The following SRSF11 variants were observed in gnomAD, a reference collection of about 807,000 sequenced individuals.
SRSF11 encodes the protein serine/arginine-rich splicing factor 11.
In SRSF11, 9 loss-of-function variants were observed where a neutral mutation model predicts 56.0. The ratio of observed to expected loss-of-function variants is 0.16; its 90% CI spans 0.10 to 0.28. The LOEUF (loss-of-function observed/expected upper bound fraction) is 0.28. SRSF11 is among the 10% of genes least tolerant of loss of function. SRSF11 has a pLI of 1.00. For missense variants in SRSF11, 421 were observed against 600.7 expected (o/e 0.70, Z 3.13); for synonymous variants, 222 against 215.3 (o/e 1.03, Z -0.27).
At chr1:70,211,997 G>T (rs1361696371) in intron 1 of SRSF11, among the ~76,000 whole-genome samples, 1 of 152,026 alleles carries the variant, frequency 6.6e-6, no homozygotes, top group African/African-American at 2.4e-5. Context: ...ATATCTCCAA[G>T]TGCTTTAGAC....
At chr1:70,218,295 T>C (rs1397021552), upstream of SRSF11, among the ~76,000 whole-genome samples, 1 of 152,254 alleles carries the variant, frequency 6.6e-6, no homozygotes, top group Non-Finnish European at 1.5e-5. Context: ...AAGCCAGCCT[T>C]CTAACTTTAA....
chr1:70,250,356 T>G lies in SRSF11; in HGVS notation c.1119-9T>G. 6.2e-7 allele frequency: 1 copy of G among 1,609,256 alleles called. No individual in the cohort carries two copies. Among genetic ancestry groups the G allele is most frequent in the African/African-American group, 1.3e-5 (1 of 74,398 alleles). On this transcript the variant is annotated splice_polypyrimidine_tract_variant and intron_variant, in intron 10 of 11. Transcript: ENST00000370949. ...AAACCTGTTGCTGTACATTTTACTGTCATTCTAGACATAAAAAGGAGAAGA... is the reference window on the plus strand; with the variant it reads ...AAACCTGTTGCTGTACATTTTACTGGCATTCTAGACATAAAAAGGAGAAGA...
At chr1:70,244,426 C>T (rs540738513) in intron 7 of SRSF11, among the ~76,000 whole-genome samples, 4 of 152,036 alleles carry the variant, frequency 2.6e-5, no homozygotes, top group South Asian at 4.2e-4. Context: ...GTTGTAAGTA[C>T]AGTGGGCATA....
chr1:70,236,880 C>T (rs975059491), intron 5 of SRSF11, among the ~76,000 whole-genome samples: 5 of 148,968 alleles, frequency 3.4e-5, no homozygotes, highest in South Asian at 4.2e-4. Flanking sequence ...GTCTGCCTCC[C>T]GGGTTCAAGC....
At chr1:70,235,272 C>CT (rs1673705531) in intron 4 of SRSF11, among the ~76,000 whole-genome samples, 1 of 152,118 alleles carries the variant, frequency 6.6e-6, no homozygotes, top group Non-Finnish European at 1.5e-5. Context: ...CTTTAGATAA[C>CT]TTGCTAAAGC....
chr1:70,208,744 T>C (rs1465422626), intron 1 of SRSF11, among the ~76,000 whole-genome samples: 1 of 152,236 alleles, frequency 6.6e-6, no homozygotes, highest in Admixed American at 6.5e-5. Context: ...GGATGGAAAC[T>C]GAAAGCTAAT....
chr1:70,245,764 T>C (rs2100980847), intron 8 of SRSF11, among the ~76,000 whole-genome samples: 1 of 152,308 alleles, frequency 6.6e-6, no homozygotes, highest in African/African-American at 2.4e-5. Flanking sequence ...AAAAATATAA[T>C]GAGACCGATC....
intron 7 of SRSF11, among the ~76,000 whole-genome samples, chr1:70,242,509 G>A (rs75837765): frequency 1.3e-5 from 2 of 148,918 alleles, no homozygotes; most frequent in Admixed American, 6.7e-5. Flanking sequence ...TTGCCATGTT[G>A]CCCAGGCTGG....
chr1:70,246,826 A>G lies in SRSF11; in HGVS notation c.941A>G (p.Lys314Arg). The G allele has an allele frequency of 1.2e-6, 2 of 1,607,928 alleles. No individual in the cohort carries two copies. Among genetic ancestry groups the G allele is most frequent in the Non-Finnish European group, 8.5e-7 (1 of 1,177,356 alleles). ...TTGTGTTCATTTGTTAGAGACAAAA[A>G]GAAAGAAGACAAAGAAAAGAAACGT... ...SRSTSKTRDK[K>R]KEDKEKKRSK... Residue 314 changes from lysine (K) to arginine (R), a missense_variant, in exon 9 of 12, where the codon AAG becomes AGG. Transcript: ENST00000370949.
At chr1:70,229,519 G>C in intron 2 of SRSF11, 1 of 985,052 alleles carries the variant, frequency 1.0e-6, no homozygotes, top group Non-Finnish European at 1.2e-6. Context: ...ACTGCTACTT[G>C]ATTTGCATTT....
chr1:70,228,651 C>T (rs1672319750), intron 2 of SRSF11, 96 bp downstream of exon 2: 1 of 1,402,058 alleles, frequency 7.1e-7, no homozygotes, highest in African/African-American at 1.5e-5. Flanking sequence ...TAAATCTAAG[C>T]TATTAACATT....
At chr1:70,242,545 T>C (rs1420821829) in intron 7 of SRSF11, among the ~76,000 whole-genome samples, 1 of 151,284 alleles carries the variant, frequency 6.6e-6, no homozygotes, top group African/African-American at 2.4e-5. Context: ...CTCGAGCTGT[T>C]TGCCCACCTC....
intron 7 of SRSF11, among the ~76,000 whole-genome samples, chr1:70,244,286 A>G (rs1676229342): frequency 6.6e-6 from 1 of 152,178 alleles, no homozygotes; most frequent in African/African-American, 2.4e-5. Flanking sequence ...ATGATGAGGA[A>G]GGTTTAAGCT....
At chr1:70,239,366 A>AAT in intron 6 of SRSF11, 73 bp from the exon 7 acceptor site, 1 of 1,027,162 alleles carries the variant, frequency 9.7e-7, no homozygotes, top group Non-Finnish European at 1.5e-6. Context: ...TGCTGTGATT[A>AAT]CAGGCATGAG....
chr1:70,242,694 CTT>C (rs1222986778), intron 7 of SRSF11, among the ~76,000 whole-genome samples: 2 of 152,142 alleles, frequency 1.3e-5, no homozygotes, highest in Non-Finnish European at 2.9e-5. Context: ...ACACTAATCT[CTT>C]TTGCTGGTTA....
At chr1:70,228,329 T>C in intron 1 of SRSF11, 93 bp from the exon 2 acceptor site, 5 of 926,740 alleles carry the variant, frequency 5.4e-6, no homozygotes, top group Non-Finnish European at 6.5e-6. Flanking sequence ...GTTTTTTTAA[T>C]CTGTTTTACT....
chr1:70,213,443 C>T, intron 1 of SRSF11, among the ~76,000 whole-genome samples: 1 of 152,104 alleles, frequency 6.6e-6, no homozygotes, highest in Non-Finnish European at 1.5e-5. Flanking sequence ...AAGCTGTTCT[C>T]ACTGTGTAAA....
At chr1:70,208,631 C>T (rs773303734) in intron 1 of SRSF11, among the ~76,000 whole-genome samples, 1 of 149,032 alleles carries the variant, frequency 6.7e-6, no homozygotes, top group Admixed American at 6.8e-5. Context: ...AGCCACCGCA[C>T]CCAGCTGCTG....
At chr1:70,206,196 G>C (rs180941527) in intron 1 of SRSF11, among the ~76,000 whole-genome samples, 2 of 152,306 alleles carry the variant, frequency 1.3e-5, no homozygotes, top group Admixed American at 6.5e-5. Flanking sequence ...CTGTGTATCA[G>C]ACAGTTTAGG....
Sources: gnomAD v4.1 joint callset for allele counts (sites outside exome capture counted in the v4.1 genomes callset) on GRCh38, gnomAD v4.1.1 for gene constraint, MANE v1.5 for transcripts, NCBI Gene and HGNC (gene_info 2026-07-23, HGNC 2026-07-21) for gene names.